The following SSBP3 variants were observed in gnomAD, a reference collection of about 807,000 sequenced individuals.
SSBP3 encodes single stranded DNA binding protein 3, also known as single-stranded DNA-binding protein 3.
In SSBP3, 5 loss-of-function variants were observed where a neutral mutation model predicts 69.6. That is an observed-to-expected ratio of 0.07 (90% CI 0.04 to 0.15). The LOEUF (loss-of-function observed/expected upper bound fraction) is 0.15. SSBP3 is among the 10% of genes least tolerant of loss of function. The pLI is 1.00. For synonymous variants in SSBP3, 196 were observed against 193.4 expected (o/e 1.01, Z -0.11); for missense variants, 312 against 534.0 (o/e 0.58, Z 4.10).
chr1:54,344,998 G>A (rs1406963980), intron 4 of SSBP3, among the ~76,000 whole-genome samples: 1 of 152,146 alleles, frequency 6.6e-6, no homozygotes, highest in African/African-American at 2.4e-5. Flanking sequence ...GTATAATTCA[G>A]ACTTCCTATT....
chr1:54,252,609 C>T (rs1232242891), intron 7 of SSBP3, among the ~76,000 whole-genome samples: 12 of 152,192 alleles, frequency 7.9e-5, no homozygotes, highest in South Asian at 6.2e-4. Context: ...CTGGGGCCAT[C>T]GGCGGTGCTG....
intron 4 of SSBP3, among the ~76,000 whole-genome samples, chr1:54,348,776 A>T (rs1434004502): frequency 6.6e-6 from 1 of 152,226 alleles, no homozygotes; most frequent in Non-Finnish European, 1.5e-5. Flanking sequence ...GGAGGCACCA[A>T]TGTGCCTGGA....
At chr1:54,270,717 A>G (rs1046512735) in intron 5 of SSBP3, among the ~76,000 whole-genome samples, 1 of 152,164 alleles carries the variant, frequency 6.6e-6, no homozygotes, top group African/African-American at 2.4e-5. Flanking sequence ...CAACAACTCT[A>G]AAGTCTCGAG....
Position 54,240,868 on chromosome 1 carries a change from C to A in SSBP3, c.856+37G>T, listed in dbSNP as rs752103579. The A allele has an allele frequency of 8.1e-6, 13 of 1,612,994 alleles. No homozygotes were observed. In the South Asian group the frequency reaches 1.3e-4, roughly 16 times the overall value. On this transcript the variant is annotated intron_variant, in intron 13 of 17. Transcript: ENST00000610401. ...CTCTGGCAACATGCCCCACCCTCCACCACCAGACCCCCCACTTTCCCCTCA... is the reference window on the plus strand; with the variant it reads ...CTCTGGCAACATGCCCCACCCTCCAACACCAGACCCCCCACTTTCCCCTCA...
chr1:54,401,833 T>C (rs781676836), intron 4 of SSBP3, 28 bp downstream of exon 4: 1 of 1,586,660 alleles, frequency 6.3e-7, no homozygotes, highest in Non-Finnish European at 8.7e-7. Context: ...CCTATAATTA[T>C]TGCTAGGATT....
At chr1:54,381,111 G>T (rs544712860) in intron 4 of SSBP3, among the ~76,000 whole-genome samples, 1 of 152,194 alleles carries the variant, frequency 6.6e-6, no homozygotes, top group South Asian at 2.1e-4. Context: ...GAGGCTGGAA[G>T]TGGTGACTCA....
intron 1 of SSBP3, 39 bp downstream of exon 1, chr1:54,405,914 C>G (rs1375442047): frequency 1.6e-6 from 2 of 1,241,306 alleles, no homozygotes; most frequent in Admixed American, 5.7e-5. Context: ...GCCCGCAGCC[C>G]GGCGGCGGCG....
At chr1:54,270,599 G>T (rs964460787) in intron 5 of SSBP3, among the ~76,000 whole-genome samples, 2 of 152,182 alleles carry the variant, frequency 1.3e-5, no homozygotes, top group African/African-American at 4.8e-5. Flanking sequence ...GCTGTGCCAT[G>T]CCCCTAAGAC....
At chr1:54,406,569 G>A (rs1348062806), upstream of SSBP3, 3 of 151,928 alleles carry the variant, frequency 2.0e-5, no homozygotes, top group Admixed American at 6.6e-5. Context: ...CGCCTCCGCG[G>A]AGCCGCTGCC....
intron 1 of SSBP3, chr1:54,412,890 T>G (rs1650028763): frequency 6.6e-6 from 1 of 152,144 alleles, no homozygotes; most frequent in Non-Finnish European, 1.5e-5. Flanking sequence ...AATTTTTGTA[T>G]TTTTAGTAGA....
intron 5 of SSBP3, among the ~76,000 whole-genome samples, chr1:54,280,865 C>T (rs1192986879): frequency 6.6e-6 from 1 of 152,094 alleles, no homozygotes; most frequent in Admixed American, 6.5e-5. Flanking sequence ...CTGCCTGTGG[C>T]GGGCAGAGCA....
chr1:54,390,847 G>A (rs535247663), intron 4 of SSBP3, among the ~76,000 whole-genome samples: 24 of 152,300 alleles, frequency 1.6e-4, no homozygotes, highest in Admixed American at 6.5e-4. Context: ...GCGCTGCCAA[G>A]AGGAAGAGCC....
chr1:54,379,234 C>T (rs1647432011), intron 4 of SSBP3, among the ~76,000 whole-genome samples: 1 of 152,238 alleles, frequency 6.6e-6, no homozygotes, highest in African/African-American at 2.4e-5. Flanking sequence ...AGGGCCTTCG[C>T]CAGCAGCACA....
At chr1:54,360,246 G>C (rs1437825444) in intron 4 of SSBP3, among the ~76,000 whole-genome samples, 5 of 152,180 alleles carry the variant, frequency 3.3e-5, no homozygotes, top group Non-Finnish European at 7.3e-5. Flanking sequence ...GAGCTGTCTA[G>C]AAGCTTAGGG....
At chr1:54,255,489 T>C (rs895086719) in intron 7 of SSBP3, 1 of 152,162 alleles carries the variant, frequency 6.6e-6, no homozygotes, top group Admixed American at 6.5e-5. Context: ...GAATCTTACA[T>C]CTGTGAAAAC....
At chr1:54,287,183 A>G (rs978045591) in intron 4 of SSBP3, 4 of 152,222 alleles carry the variant, frequency 2.6e-5, no homozygotes, top group African/African-American at 9.6e-5. Flanking sequence ...AAAACTGAAT[A>G]AAAACAAATG....
At chr1:54,277,383 C>T (rs978068959) in intron 5 of SSBP3, among the ~76,000 whole-genome samples, 7 of 152,162 alleles carry the variant, frequency 4.6e-5, no homozygotes, top group African/African-American at 1.7e-4. Context: ...TTCGGTCTCT[C>T]CCTCCTTTTA....
At chr1:54,289,454 A>C (rs545376293) in intron 4 of SSBP3, among the ~76,000 whole-genome samples, 1 of 152,012 alleles carries the variant, frequency 6.6e-6, no homozygotes, top group African/African-American at 2.4e-5. Flanking sequence ...ATCAGCAAAC[A>C]CTCGCTTCTG....
At chr1:54,346,105 G>C (rs1038811088) in intron 4 of SSBP3, among the ~76,000 whole-genome samples, 2 of 151,964 alleles carry the variant, frequency 1.3e-5, no homozygotes, top group African/African-American at 4.8e-5. Context: ...AGAGGTTGCA[G>C]TGAGCTGAGA....
Sources: allele counts gnomAD v4.1 joint callset (sites outside exome capture counted in the v4.1 genomes callset), GRCh38; gene constraint gnomAD v4.1.1; transcripts MANE v1.5; gene names NCBI Gene and HGNC (gene_info 2026-07-23, HGNC 2026-07-21).